The following SOAT1 variants were observed in gnomAD, a reference collection of about 807,000 sequenced individuals.
The protein encoded by SOAT1 is acyl-coenzyme A:cholesterol acyltransferase 1.
A neutral mutation model predicts 69.5 loss-of-function variants in SOAT1; 55 were observed. The ratio of observed to expected loss-of-function variants is 0.79; its 90% CI spans 0.64 to 0.99. The LOEUF (loss-of-function observed/expected upper bound fraction) is 0.99, where lower values mean the gene tolerates loss of function less well. SOAT1 is among the 50% of genes least tolerant of loss of function. SOAT1 has a pLI of 0.00. For missense variants in SOAT1, 580 were observed against 669.3 expected, an observed-to-expected ratio of 0.87 and a Z score of 1.47; for synonymous variants, 231 against 224.7, an observed-to-expected ratio of 1.03 and a Z score of -0.25.
intron 10 of SOAT1, 35 bp from the exon 11 acceptor site, chr1:179,344,912 A>T: frequency 6.2e-7 from 1 of 1,611,190 alleles, no homozygotes; most frequent in African/African-American, 1.3e-5. Flanking sequence ...TTATTAAGCC[A>T]TCGTTATTAT....
At chr1:179,326,200 C>A (rs1482463564) in intron 3 of SOAT1, among the ~76,000 whole-genome samples, 2 of 152,148 alleles carry the variant, frequency 1.3e-5, no homozygotes, top group African/African-American at 4.8e-5. Context: ...TTTTTCTCGA[C>A]TTTTATGCCC....
chr1:179,338,423 T>TA (rs1325995842), intron 5 of SOAT1, among the ~76,000 whole-genome samples: 4 of 151,954 alleles, frequency 2.6e-5, no homozygotes, highest in East Asian at 1.9e-4. Context: ...GCTGTCTCAA[T>TA]AAAAAAAAGT....
At chr1:179,342,602 A>C (rs1018135430) in intron 8 of SOAT1, among the ~76,000 whole-genome samples, 2 of 152,120 alleles carry the variant, frequency 1.3e-5, no homozygotes, top group African/African-American at 2.4e-5. Flanking sequence ...GCCTCATTAC[A>C]CCTGTGCCTG....
At chr1:179,317,039 TTA>T in intron 2 of SOAT1, among the ~76,000 whole-genome samples, 1 of 152,302 alleles carries the variant, frequency 6.6e-6, no homozygotes, top group East Asian at 1.9e-4. Context: ...GAGTTTGTTT[TTA>T]TGTTTTTATG....
At chr1:179,304,037 A>G (rs1048762447) in intron 2 of SOAT1, among the ~76,000 whole-genome samples, 1 of 152,202 alleles carries the variant, frequency 6.6e-6, no homozygotes, top group African/African-American at 2.4e-5. Flanking sequence ...GTCCTAGTTC[A>G]TTAAGTTTTA....
intron 3 of SOAT1, 86 bp from the exon 4 acceptor site, chr1:179,335,420 C>G: frequency 8.6e-7 from 1 of 1,158,922 alleles, no homozygotes; most frequent in Non-Finnish European, 1.2e-6. Flanking sequence ...TGATCCAGCT[C>G]TGTTTAAGGG....
chr1:179,294,070 A>AG (rs1172582214), intron 1 of SOAT1, 134 bp downstream of exon 1: 1 of 142,552 alleles, frequency 7.0e-6, no homozygotes, highest in African/African-American at 2.5e-5. Flanking sequence ...GGAGAAGGCG[A>AG]GGCTCGGCGA....
chr1:179,334,308 AG>A (rs1224146040), intron 3 of SOAT1, among the ~76,000 whole-genome samples: 1 of 152,164 alleles, frequency 6.6e-6, no homozygotes. Context: ...GAATATGTTA[AG>A]GTTTGGTGTA....
chr1:179,307,363 A>C (rs947765140), intron 2 of SOAT1, among the ~76,000 whole-genome samples: 1 of 152,190 alleles, frequency 6.6e-6, no homozygotes, highest in Non-Finnish European at 1.5e-5. Flanking sequence ...TGCAAGAAGA[A>C]ATGGTCAGTG....
rs533203108 is a variant in SOAT1, at chr1:179,299,927, T to C, written c.-8-2750T>C. On this transcript the variant is annotated intron_variant, in intron 1 of 15. Transcript: ENST00000367619. ...TGCCCCCATGCCCAGCTAATTTTTT[T>C]TTTTTTTGTATTTTTCGTAGAGATG... 1.6e-3 allele frequency among the ~76,000 whole-genome samples: 241 copies of C among 150,956 alleles called. 1 individual carries two copies. The highest frequency in any genetic ancestry group is 0.012 in the Admixed American group (181 of 15,170).
rs1300518972 is a variant in SOAT1, at chr1:179,355,262, G to T, written c.*1621G>T. On this transcript the variant is annotated 3_prime_UTR_variant, in exon 16 of 16. Transcript: ENST00000367619. ...CCTGCTAACTAGTTTGCTTTAATAT[G>T]GCTTGTAATTCTTGACATTTTTCTT... 1 of 152,026 alleles carries T rather than the reference G, an allele frequency of 6.6e-6. No homozygotes were observed. The highest frequency in any genetic ancestry group is 1.5e-5 in the Non-Finnish European group (1 of 68,008). 9.4% of individuals were successfully genotyped at this position (152,026 alleles called of 1,614,324 possible). A position where few individuals can be genotyped will look rare whatever the true frequency, so the allele number is the denominator to read the frequency against.
At chr1:179,323,590 T>C in intron 3 of SOAT1, 95 bp downstream of exon 3, 1 of 1,001,864 alleles carries the variant, frequency 1.0e-6, no homozygotes, top group Non-Finnish European at 1.5e-6. Context: ...AGATAATTAT[T>C]TAAGCCATTC....
At chr1:179,294,952 T>C (rs1445422587) in intron 1 of SOAT1, among the ~76,000 whole-genome samples, 2 of 149,340 alleles carry the variant, frequency 1.3e-5, no homozygotes, top group Non-Finnish European at 3.0e-5. Context: ...TTTTTTTTTT[T>C]CTTTTTAAAA....
intron 15 of SOAT1, among the ~76,000 whole-genome samples, chr1:179,351,797 G>A (rs1571461977): frequency 7.2e-6 from 1 of 138,480 alleles, no homozygotes; most frequent in African/African-American, 2.7e-5. Context: ...TCAGCTCACT[G>A]CAACCTCTGC....
At position 179,335,015 on chromosome 1, in the gene SOAT1, CAAAAAAAAA is replaced by C. The variant is rs10603546; in HGVS notation, c.178-477_178-469del. ...AGGCAACAAGAGGAAAACTCCATCT[CAAAAAAAAA>C]AAAAAAAAAAAAAGAAAGAAAAAAG... On this transcript the variant is annotated intron_variant, in intron 3 of 15. Transcript: ENST00000367619. Among the ~76,000 whole-genome samples, 20 of 73,540 alleles carry C rather than the reference CAAAAAAAAA, an allele frequency of 2.7e-4. No individual in the cohort carries two copies. In the East Asian group the frequency reaches 5.3e-3, roughly 20 times the overall value. 48.2% of individuals were successfully genotyped at this position (73,540 alleles called of 152,430 possible).
chr1:179,349,634 AC>A (rs1666656262), intron 13 of SOAT1, among the ~76,000 whole-genome samples: 1 of 152,072 alleles, frequency 6.6e-6, no homozygotes, highest in African/African-American at 2.4e-5. Context: ...GGTGAGAAAC[AC>A]TTTTCTGTGA....
rs374268005 is a variant in SOAT1 at position 179,353,613 on chromosome 1, G to A, written c.1625G>A (p.Arg542His). ...ACATTTTTGGATTATGTCCGGCCAC[G>A]TTCCTGGACTTGTCGTTACGTGTTT... ...NPTFLDYVRP[R>H]SWTCRYVF Residue 542 changes from arginine (R) to histidine (H), a missense_variant, in exon 16 of 16, where the codon CGT becomes CAT. Arg to His is a conservative substitution (Grantham distance 29, BLOSUM62 0). Transcript: ENST00000367619. 1.9e-6 allele frequency: 3 copies of A among 1,613,490 alleles called. No individual in the cohort carries two copies. Among genetic ancestry groups the A allele is most frequent in the African/African-American group, 1.3e-5 (1 of 74,836 alleles).
At chr1:179,315,883 C>T in intron 2 of SOAT1, among the ~76,000 whole-genome samples, 1 of 152,242 alleles carries the variant, frequency 6.6e-6, no homozygotes, top group East Asian at 1.9e-4. Flanking sequence ...CTTTTGTCTT[C>T]ATTTTTTTAT....
chr1:179,346,410 T>C (rs531393410), intron 11 of SOAT1, among the ~76,000 whole-genome samples: 62 of 152,334 alleles, frequency 4.1e-4, no homozygotes, highest in Admixed American at 9.1e-4. Context: ...ATAAACAAAA[T>C]GCTTATGGCC....
Sources: allele counts gnomAD v4.1 joint callset (sites outside exome capture counted in the v4.1 genomes callset), GRCh38; gene constraint gnomAD v4.1.1; transcripts MANE v1.5; gene names NCBI Gene and HGNC (gene_info 2026-07-23, HGNC 2026-07-21).